EPM2A: variants seen among roughly 807,000 people sequenced by gnomAD.
EPM2A encodes the protein EPM2A glucan phosphatase, laforin.
EPM2A carries 21 observed loss-of-function variants against 26.5 expected under a neutral mutation model. The observed-to-expected ratio is 0.79, with a 90% confidence interval of 0.56 to 1.14. The LOEUF is 1.14. EPM2A is among the 50% of genes most tolerant of loss of function. EPM2A has a pLI of 0.00. For missense variants in EPM2A, 458 were observed against 440.8 expected (o/e 1.04, Z -0.35); for synonymous variants, 217 against 177.6 (o/e 1.22, Z -1.76).
At chr6:145,494,340 C>A (rs1199251691) in intron 4 of EPM2A, among the ~76,000 whole-genome samples, 4 of 152,066 alleles carry the variant, frequency 2.6e-5, no homozygotes, top group African/African-American at 9.7e-5. Context: ...TCCCCTTTAT[C>A]ATTTCTGATT....
intron 2 of EPM2A, among the ~76,000 whole-genome samples, chr6:145,683,006 C>A (rs1461568411): frequency 6.6e-6 from 1 of 152,096 alleles, no homozygotes; most frequent in African/African-American, 2.4e-5. Flanking sequence ...GTCAGATGAA[C>A]ATAGCAAACA....
chr6:145,718,506 C>T (rs1775767784), intron 1 of EPM2A, among the ~76,000 whole-genome samples: 1 of 151,966 alleles, frequency 6.6e-6, no homozygotes, highest in Non-Finnish European at 1.5e-5. Context: ...GACCTAAAAC[C>T]ATAAAAACCC....
In EPM2A at chr6:145,635,257, T is replaced by G; in HGVS notation, c.706A>C (p.Met236Leu). The G allele has an allele frequency of 6.2e-7, 1 of 1,614,172 alleles. No individual in the cohort carries two copies. The part of the protein sequence containing the change: ...LAYIWMPTPD[M>L]STEGRVQMLP... ...TTCTGATCCTTACCTTCGGTGCTCATATCTGGTGTTGGCATCCAGATGTAG... is the reference window on the plus strand; with the variant it reads ...TTCTGATCCTTACCTTCGGTGCTCAGATCTGGTGTTGGCATCCAGATGTAG... Residue 236 changes from methionine to leucine, a missense_variant, in exon 3 of 4, where the codon ATG becomes CTG. Transcript: ENST00000367519.
intron 4 of EPM2A, among the ~76,000 whole-genome samples, chr6:145,390,593 C>T (rs936037936): frequency 7.9e-5 from 12 of 152,008 alleles, no homozygotes; most frequent in Admixed American, 7.9e-4. Context: ...CTCTTTCTTT[C>T]TCTCGCTCCC....
At chr6:145,684,435 T>C (rs963004805) in intron 2 of EPM2A, among the ~76,000 whole-genome samples, 3 of 152,164 alleles carry the variant, frequency 2.0e-5, no homozygotes, top group Non-Finnish European at 2.9e-5. Flanking sequence ...ATATCCTCAT[T>C]AAATGTCAGA....
intron 2 of EPM2A, among the ~76,000 whole-genome samples, chr6:145,553,216 G>A (rs1471119831): frequency 1.3e-5 from 2 of 152,088 alleles, no homozygotes; most frequent in African/African-American, 4.8e-5. Context: ...CACCATGATT[G>A]TAAGTTTCCT....
intron 2 of EPM2A, among the ~76,000 whole-genome samples, chr6:145,535,555 A>G (rs1341673542): frequency 6.6e-6 from 1 of 152,240 alleles, no homozygotes; most frequent in Non-Finnish European, 1.5e-5. Context: ...CAGAAGACCC[A>G]GCGAGGAGCT....
At chr6:145,394,779 A>G (rs1363684290) in intron 4 of EPM2A, among the ~76,000 whole-genome samples, 2 of 152,174 alleles carry the variant, frequency 1.3e-5, no homozygotes, top group East Asian at 3.9e-4. Context: ...CCAGAAAGTC[A>G]ATTTTTCTTT....
chr6:145,664,697 C>T (rs1458151080), intron 2 of EPM2A, among the ~76,000 whole-genome samples: 5 of 152,148 alleles, frequency 3.3e-5, no homozygotes, highest in Admixed American at 6.5e-5. Context: ...CACCCCAAAT[C>T]GACAGAATAT....
chr6:145,577,196 A>G (rs1274879880), intron 2 of EPM2A, among the ~76,000 whole-genome samples: 1 of 152,020 alleles, frequency 6.6e-6, no homozygotes, highest in East Asian at 1.9e-4. Context: ...ATAACATTTC[A>G]TGTAAATGGA....
At chr6:145,721,860 T>A (rs896424965) in intron 1 of EPM2A, 1 of 152,178 alleles carries the variant, frequency 6.6e-6, no homozygotes, top group African/African-American at 2.4e-5. Context: ...TTCTGGTAGG[T>A]CACCAAAGAA....
chr6:145,636,308 C>T (rs1776680485), intron 2 of EPM2A: 1 of 152,116 alleles, frequency 6.6e-6, no homozygotes, highest in Non-Finnish European at 1.5e-5. Context: ...CTAGACAAGC[C>T]TGGCCAATTC....
At chr6:145,460,499 T>C (rs1779315779) in intron 4 of EPM2A, among the ~76,000 whole-genome samples, 1 of 152,130 alleles carries the variant, frequency 6.6e-6, no homozygotes, top group South Asian at 2.1e-4. Context: ...TAAGTATATA[T>C]AAAGAAAACA....
intron 2 of EPM2A, among the ~76,000 whole-genome samples, chr6:145,592,262 T>C (rs1266557463): frequency 1.3e-5 from 2 of 149,958 alleles, no homozygotes; most frequent in Non-Finnish European, 3.0e-5. Context: ...CATGCGGTGT[T>C]TGGTTTTCTG....
chr6:145,531,812 A>G (rs1780359821), intron 2 of EPM2A, among the ~76,000 whole-genome samples: 1 of 152,160 alleles, frequency 6.6e-6, no homozygotes, highest in African/African-American at 2.4e-5. Context: ...AGACACAGAC[A>G]CCATTCACTC....
At chr6:145,694,610 G>C (rs888451381) in intron 1 of EPM2A, among the ~76,000 whole-genome samples, 10 of 151,992 alleles carry the variant, frequency 6.6e-5, no homozygotes, top group African/African-American at 2.2e-4. Context: ...TTGACAAGAA[G>C]AAGGAAAGGT....
intron 2 of EPM2A, among the ~76,000 whole-genome samples, chr6:145,647,130 T>C (rs1416750224): frequency 6.6e-6 from 1 of 152,224 alleles, no homozygotes; most frequent in Non-Finnish European, 1.5e-5. Flanking sequence ...GCATAAAGCA[T>C]GTGAAACCCA....
intron 4 of EPM2A, among the ~76,000 whole-genome samples, chr6:145,424,298 G>A (rs1582744495): frequency 6.6e-6 from 1 of 152,198 alleles, no homozygotes; most frequent in Admixed American, 6.5e-5. Flanking sequence ...ACGTTAAGTT[G>A]ACTAAATGTT....
At chr6:145,480,972 G>C (rs926434230) in intron 4 of EPM2A, among the ~76,000 whole-genome samples, 1 of 152,040 alleles carries the variant, frequency 6.6e-6, no homozygotes, top group Non-Finnish European at 1.5e-5. Flanking sequence ...GAGTTGCATG[G>C]GCCAAAGAAA....
Sources: gnomAD v4.1 joint callset for allele counts (sites outside exome capture counted in the v4.1 genomes callset) on GRCh38, gnomAD v4.1.1 for gene constraint, MANE v1.5 for transcripts, NCBI Gene and HGNC (gene_info 2026-07-23, HGNC 2026-07-21) for gene names.